Variants in FAM161A observed in about 807,000 individuals in gnomAD.
FAM161A encodes protein FAM161A.
FAM161A carries 57 observed loss-of-function variants against 70.9 expected under a neutral mutation model. That is an observed-to-expected ratio of 0.80 (90% CI 0.65 to 1.00). The LOEUF (loss-of-function observed/expected upper bound fraction) is 1.00, where lower values mean the gene tolerates loss of function less well. Ranked by LOEUF, FAM161A falls within the 50% of genes least tolerant of loss-of-function variation. FAM161A has a pLI of 0.00. For synonymous variants in FAM161A, 299 were observed against 295.7 expected, an observed-to-expected ratio of 1.01 and a Z score of -0.12; for missense variants, 880 against 836.0, an observed-to-expected ratio of 1.05 and a Z score of -0.65.
Position 61,825,204 on chromosome 2 carries a change from A to G in FAM161A, c.*1251T>C. ...ATCTTTATGATTGGCTTCAAATTTT[A>G]AAACAAAAATTTGCTTAAAGAAAAA... On this transcript the variant is annotated 3_prime_UTR_variant, in exon 7 of 7. Transcript: ENST00000404929. 4 of 436,364 alleles carry G rather than the reference A, an allele frequency of 9.2e-6. No homozygotes were observed. Among genetic ancestry groups the G allele is most frequent in the Non-Finnish European group, 1.3e-5 (3 of 222,532 alleles). 27.0% of individuals were successfully genotyped at this position (436,364 alleles called of 1,614,324 possible).
downstream of FAM161A, among the ~76,000 whole-genome samples, chr2:61,821,263 G>A (rs184260711): frequency 2.6e-5 from 4 of 152,214 alleles, no homozygotes; most frequent in East Asian, 7.7e-4. Context: ...ATATTGGCCA[G>A]GCTGGTCTCA....
the FAM161A span, among the ~76,000 whole-genome samples, chr2:61,815,535 C>CTTTTTTTTTT: frequency 1.1e-4 from 6 of 53,238 alleles, 1 homozygote; most frequent in Non-Finnish European, 1.6e-4. Context: ...AAAGATGTGT[C>CTTTTTTTTTT]TTTTTTTTTT....
At position 61,848,926 on chromosome 2, in the gene FAM161A, T is replaced by A. The variant is rs866028691; in HGVS notation, c.183+4933A>T. Among the ~76,000 whole-genome samples, 2 of 774 alleles carry A rather than the reference T, an allele frequency of 2.6e-3. 1 individual carries two copies. Among genetic ancestry groups the A allele is most frequent in the Non-Finnish European group, 3.9e-3 (2 of 516 alleles). The allele number at this position is 774 out of a possible 152,430, so 0.5% of individuals were successfully genotyped here. A position where few individuals can be genotyped will look rare whatever the true frequency, so the allele number is the denominator to read the frequency against. On this transcript the variant is annotated intron_variant, in intron 1 of 6. Coordinates refer to ENST00000404929, the MANE Select transcript of FAM161A (RefSeq NM_001201543.2). Reference sequence around the variant, plus strand: ...TATATATTTATATATTTATATATATTTATATATATATATTTATATATATTT... The same window carrying A: ...TATATATTTATATATTTATATATATATATATATATATATTTATATATATTT...
At chr2:61,802,378 T>C in the FAM161A span, among the ~76,000 whole-genome samples, 54,987 of 151,970 alleles carry the variant, frequency 0.36, 10,142 homozygotes, top group Middle Eastern at 0.47. Flanking sequence ...CAGAAATGGG[T>C]GTTAGTTATT....
At chr2:61,806,779 G>A in the FAM161A span, among the ~76,000 whole-genome samples, 9 of 131,202 alleles carry the variant, frequency 6.9e-5, no homozygotes, top group African/African-American at 1.4e-4. Context: ...TGCAAGCTCC[G>A]CCTCCGGGGT....
chr2:61,821,655 C>G (rs1411075553), downstream of FAM161A, among the ~76,000 whole-genome samples: 1 of 152,044 alleles, frequency 6.6e-6, no homozygotes, highest in Non-Finnish European at 1.5e-5. Context: ...TGGTCTTGAA[C>G]TCCTGGACTC....
chr2:61,808,913 AC>A, the FAM161A span, among the ~76,000 whole-genome samples: 1 of 151,772 alleles, frequency 6.6e-6, no homozygotes, highest in Non-Finnish European at 1.5e-5. Flanking sequence ...TCGCTCTGTC[AC>A]CAGGCTGGAG....
chr2:61,848,825 TATC>T (rs1673326950), intron 1 of FAM161A, among the ~76,000 whole-genome samples: 1 of 13,392 alleles, frequency 7.5e-5, no homozygotes, highest in African/African-American at 2.7e-4. Context: ...TATATATATA[TATC>T]TATATATATT....
At chr2:61,834,522 A>G (rs1672700554) in intron 5 of FAM161A, among the ~76,000 whole-genome samples, 1 of 151,068 alleles carries the variant, frequency 6.6e-6, no homozygotes, top group Admixed American at 6.6e-5. Context: ...GAGTGCAATG[A>G]CGCAATCTCA....
chr2:61,800,258 T>C, the FAM161A span, among the ~76,000 whole-genome samples: 2 of 152,304 alleles, frequency 1.3e-5, no homozygotes, highest in African/African-American at 2.4e-5. Context: ...CTTGGTTTTA[T>C]TGGAGCTGTA....
the FAM161A span, among the ~76,000 whole-genome samples, chr2:61,818,924 T>C: frequency 6.6e-6 from 1 of 152,308 alleles, no homozygotes; most frequent in South Asian, 2.1e-4. Context: ...GATAGCCCTT[T>C]AACCAAGTGA....
chr2:61,840,731 A>C (rs1572881731), intron 2 of FAM161A, 150 bp from the exon 3 acceptor site: 2 of 638,406 alleles, frequency 3.1e-6, no homozygotes, highest in South Asian at 3.9e-5. Flanking sequence ...GCTCACTGCA[A>C]CCTCCACCTC....
chr2:61,838,330 G>A (rs1433455434), intron 4 of FAM161A, among the ~76,000 whole-genome samples: 1 of 152,176 alleles, frequency 6.6e-6, no homozygotes, highest in East Asian at 1.9e-4. Flanking sequence ...ATAGCTTCAT[G>A]GTTCTCACCA....
At position 61,848,824 on chromosome 2, in the gene FAM161A, ATATCTATAT is replaced by A. The variant is rs1558491329; in HGVS notation, c.183+5026_183+5034del. On this transcript the variant is annotated intron_variant, in intron 1 of 6. Transcript: ENST00000404929. ...TGTCTATATATATATTTATATATATATATCTATATATATTTATATATATATTTATATATA... is the reference window on the plus strand; with the variant it reads ...TGTCTATATATATATTTATATATATAATATTTATATATATATTTATATATA... Among the ~76,000 whole-genome samples the A allele has an allele frequency of 1.4e-3, 15 of 10,380 alleles. 2 individuals are homozygous for A. The highest frequency in any genetic ancestry group is 0.038 in the Middle Eastern group (1 of 26). 6.8% of individuals were successfully genotyped at this position (10,380 alleles called of 152,430 possible). A position where few individuals can be genotyped will look rare whatever the true frequency, so the allele number is the denominator to read the frequency against.
intron 5 of FAM161A, among the ~76,000 whole-genome samples, chr2:61,834,791 A>C (rs537229965): frequency 6.6e-6 from 1 of 152,148 alleles, no homozygotes; most frequent in East Asian, 1.9e-4. Flanking sequence ...ACCTGCGCAT[A>C]TACTCCTTGA....
At chr2:61,820,973 G>A (rs2421509), downstream of FAM161A, among the ~76,000 whole-genome samples, 6,308 of 152,122 alleles carry the variant, frequency 0.041, 165 homozygotes, top group African/African-American at 0.076. Flanking sequence ...CTTAGAGGCA[G>A]ACTCTATTAA....
chr2:61,820,247 T>C (rs985583719), downstream of FAM161A: 78 of 638,964 alleles, frequency 1.2e-4, no homozygotes, highest in African/African-American at 1.3e-3. Flanking sequence ...TGGCAGCTCT[T>C]CACTGGAGGA....
chr2:61,802,465 A>G, the FAM161A span, among the ~76,000 whole-genome samples: 2 of 152,194 alleles, frequency 1.3e-5, no homozygotes, highest in African/African-American at 4.8e-5. Flanking sequence ...ATTCTAATCT[A>G]TTAAAACAGG....
the FAM161A span, among the ~76,000 whole-genome samples, chr2:61,814,571 C>T: frequency 6.6e-6 from 1 of 152,090 alleles, no homozygotes; most frequent in Admixed American, 6.6e-5. Context: ...AAAAATTAGC[C>T]AGACTTGATG....
Sources: gnomAD v4.1 joint callset for allele counts (sites outside exome capture counted in the v4.1 genomes callset) on GRCh38, gnomAD v4.1.1 for gene constraint, MANE v1.5 for transcripts, NCBI Gene and HGNC (gene_info 2026-07-23, HGNC 2026-07-21) for gene names.